Variants in ISM1 observed in about 807,000 individuals in gnomAD.
ISM1 encodes the protein isthmin-1.
A neutral mutation model predicts 46.3 loss-of-function variants in ISM1; 25 were observed. The ratio of observed to expected loss-of-function variants is 0.54; its 90% CI spans 0.39 to 0.75. The LOEUF is 0.75. Among genes scored for constraint, ISM1 ranks in the 30% least tolerant of loss-of-function variants. ISM1 has a pLI of 0.00. For missense variants in ISM1, 536 were observed against 625.4 expected, an observed-to-expected ratio of 0.86 and a Z score of 1.52; for synonymous variants, 255 against 256.7, an observed-to-expected ratio of 0.99 and a Z score of 0.06.
chr20:13,232,589 T>C (rs1016290822), intron 1 of ISM1, among the ~76,000 whole-genome samples: 4 of 152,248 alleles, frequency 2.6e-5, no homozygotes, highest in African/African-American at 9.6e-5. Context: ...GCTGTGAACA[T>C]TCAGGTATAA....
At chr20:13,225,083 G>A (rs1202038037) in intron 1 of ISM1, among the ~76,000 whole-genome samples, 1 of 150,784 alleles carries the variant, frequency 6.6e-6, no homozygotes, top group Admixed American at 6.6e-5. Context: ...TCACTCTCCT[G>A]ACCTCATGAT....
chr20:13,274,108 C>G (rs1193359309), intron 2 of ISM1, among the ~76,000 whole-genome samples: 1 of 151,922 alleles, frequency 6.6e-6, no homozygotes, highest in Non-Finnish European at 1.5e-5. Context: ...CACAAACACA[C>G]CCACACACCA....
chr20:13,239,433 C>A (rs529767323), intron 1 of ISM1: 1 of 152,376 alleles, frequency 6.6e-6, no homozygotes, highest in Admixed American at 6.5e-5. Context: ...TCCCTGAGAT[C>A]TGAGAAGGGT....
At chr20:13,293,584 A>G (rs534900410) in intron 5 of ISM1, among the ~76,000 whole-genome samples, 73 of 152,058 alleles carry the variant, frequency 4.8e-4, no homozygotes, top group Admixed American at 4.8e-3. Context: ...GGGGTCAGGT[A>G]ATGGGGTCAG....
intron 5 of ISM1, among the ~76,000 whole-genome samples, chr20:13,298,252 C>T (rs1187397939): frequency 6.6e-6 from 1 of 152,082 alleles, no homozygotes; most frequent in Admixed American, 6.5e-5. Context: ...ATTACAGGCG[C>T]ATGCCACAAC....
In ISM1 at chr20:13,225,100, G is replaced by A. The variant is rs199685004; in HGVS notation, c.138+3186G>A. On this transcript the variant is annotated intron_variant, in intron 1 of 5. Transcript: ENST00000262487. ...ACTCTCCTGACCTCATGATCCGCCC[G>A]CCTTGGCCTCCCAAAGTGCTGGGAT... 3.1e-4 allele frequency among the ~76,000 whole-genome samples: 47 copies of A among 151,260 alleles called. No homozygotes were observed. The East Asian group carries it at 4.1e-3, about 13-fold the overall frequency.
At chr20:13,247,201 A>G (rs1219774568) in intron 1 of ISM1, among the ~76,000 whole-genome samples, 1 of 152,164 alleles carries the variant, frequency 6.6e-6, no homozygotes. Context: ...ATTGCACTCC[A>G]GCCTGGGCAA....
chr20:13,261,420 T>C (rs887841353), intron 1 of ISM1, among the ~76,000 whole-genome samples: 2 of 147,380 alleles, frequency 1.4e-5, no homozygotes, highest in African/African-American at 5.0e-5. Flanking sequence ...AGTGAAACTC[T>C]GTCTCAAAAA....
intron 2 of ISM1, among the ~76,000 whole-genome samples, chr20:13,274,989 T>G (rs2040161477): frequency 6.6e-6 from 1 of 152,184 alleles, no homozygotes; most frequent in Non-Finnish European, 1.5e-5. Flanking sequence ...CAGAACAAGT[T>G]AGACTTTGGT....
At chr20:13,241,172 G>T (rs1438394887) in intron 1 of ISM1, among the ~76,000 whole-genome samples, 1 of 152,128 alleles carries the variant, frequency 6.6e-6, no homozygotes, top group East Asian at 1.9e-4. Flanking sequence ...ACCTGAATGA[G>T]GTCACCAACT....
intron 1 of ISM1, among the ~76,000 whole-genome samples, chr20:13,267,673 C>T (rs2040058296): frequency 6.6e-6 from 1 of 152,196 alleles, no homozygotes; most frequent in Admixed American, 6.5e-5. Flanking sequence ...ATCAATCAAT[C>T]AGACTTAGTC....
At chr20:13,276,171 C>T (rs6105065) in intron 2 of ISM1, among the ~76,000 whole-genome samples, 41,591 of 152,138 alleles carry the variant, frequency 0.27, 5,816 homozygotes, top group Non-Finnish European at 0.3. Context: ...CTGAGGAAAT[C>T]CTTTTCCTCT....
intron 1 of ISM1, among the ~76,000 whole-genome samples, chr20:13,249,822 TTTGTTTTG>T (rs1282259187): frequency 3.5e-5 from 5 of 143,284 alleles, no homozygotes; most frequent in Non-Finnish European, 1.5e-5. Flanking sequence ...TTTGTTTTGT[TTTGTTTTG>T]TTTTGTTTCC....
At position 13,299,490 on chromosome 20, in the gene ISM1, T is replaced by A. The variant is rs756702345; in HGVS notation, c.*31T>A. On this transcript the variant is annotated 3_prime_UTR_variant, in exon 6 of 6. Coordinates refer to ENST00000262487, the MANE Select transcript of ISM1 (RefSeq NM_080826.2). This position sits in a 1 kb window ranked among gnomAD's most constrained non-coding sequence, Gnocchi z 5.8. ...CTGGGATGAGGTGGAGGACGCTGCC[T>A]CTGGTTCTGGAGCACACACGTGCTG... 8 of 1,567,690 alleles carry A rather than the reference T, an allele frequency of 5.1e-6. No individual in the cohort carries two copies. The South Asian group carries it at 9.2e-5, about 18-fold the overall frequency.
chr20:13,265,659 T>G (rs1197274451), intron 1 of ISM1, among the ~76,000 whole-genome samples: 1 of 152,178 alleles, frequency 6.6e-6, no homozygotes, highest in Non-Finnish European at 1.5e-5. Context: ...AGGAAAAACC[T>G]CTTGCAATTG....
At chr20:13,261,605 CA>C (rs2123223426) in intron 1 of ISM1, among the ~76,000 whole-genome samples, 1 of 152,252 alleles carries the variant, frequency 6.6e-6, no homozygotes, top group Non-Finnish European at 1.5e-5. Flanking sequence ...GACCCAGACC[CA>C]GACCTTGAAA....
downstream of ISM1, among the ~76,000 whole-genome samples, chr20:13,304,861 C>A (rs1406925851): frequency 1.3e-5 from 2 of 152,112 alleles, no homozygotes; most frequent in African/African-American, 4.8e-5. Flanking sequence ...AGCTTCCTTG[C>A]CTTCCCCATC....
intron 2 of ISM1, among the ~76,000 whole-genome samples, chr20:13,277,800 G>C (rs942349341): frequency 6.6e-6 from 1 of 152,150 alleles, no homozygotes; most frequent in East Asian, 1.9e-4. Flanking sequence ...GGTGCACTTG[G>C]CCTGCTGCAG....
chr20:13,237,778 C>A (rs2039668993), intron 1 of ISM1: 1 of 152,138 alleles, frequency 6.6e-6, no homozygotes, highest in African/African-American at 2.4e-5. Flanking sequence ...GGCTGATTTT[C>A]ACTGGGAAAG....
Sources: allele counts gnomAD v4.1 joint callset (sites outside exome capture counted in the v4.1 genomes callset), GRCh38; gene constraint gnomAD v4.1.1; non-coding constraint Gnocchi (gnomAD v3.1); transcripts MANE v1.5; gene names NCBI Gene and HGNC (gene_info 2026-07-23, HGNC 2026-07-21).